TMEM163: variants seen among roughly 807,000 people sequenced by gnomAD.
The protein encoded by TMEM163 is transmembrane protein 163.
A neutral mutation model predicts 29.3 loss-of-function variants in TMEM163; 17 were observed. That is an observed-to-expected ratio of 0.58 (90% CI 0.40 to 0.87). The LOEUF (loss-of-function observed/expected upper bound fraction) is 0.87. Ranked by LOEUF, TMEM163 falls within the 40% of genes least tolerant of loss-of-function variation. TMEM163 has a pLI of 0.00. For missense variants in TMEM163, 303 were observed against 381.5 expected, an observed-to-expected ratio of 0.79 and a Z score of 1.71; for synonymous variants, 157 against 160.6, an observed-to-expected ratio of 0.98 and a Z score of 0.17.
rs79270232 is a variant in TMEM163 at position 134,697,522 on chromosome 2, T to A, written c.322+15678A>T. On this transcript the variant is annotated intron_variant, in intron 2 of 7. Coordinates refer to ENST00000281924, the MANE Select transcript of TMEM163 (RefSeq NM_030923.5). The stretch of plus-strand genomic sequence containing the variant: ...TCTTGTCACCCAGGCTGGAGTGCAG[T>A]GGTGCACTCTCAGCTGACTGCAACC... Among the ~76,000 whole-genome samples, 390 of 150,486 alleles carry A rather than the reference T, an allele frequency of 2.6e-3. 2 individuals carry two copies. The highest frequency in any genetic ancestry group is 0.014 in the South Asian group (65 of 4,702).
At chr2:134,596,846 T>G (rs1682096329) in intron 2 of TMEM163, among the ~76,000 whole-genome samples, 1 of 152,178 alleles carries the variant, frequency 6.6e-6, no homozygotes. Flanking sequence ...GTAAGTTGGA[T>G]TCCTAGGTAT....
At chr2:134,581,101 G>A (rs1171848256) in intron 2 of TMEM163, among the ~76,000 whole-genome samples, 2 of 152,196 alleles carry the variant, frequency 1.3e-5, no homozygotes, top group African/African-American at 4.8e-5. Context: ...ATCAGGGCAG[G>A]AGGGCACTGA....
intron 2 of TMEM163, among the ~76,000 whole-genome samples, chr2:134,596,787 G>A (rs1026066132): frequency 6.6e-5 from 10 of 151,824 alleles, no homozygotes; most frequent in Non-Finnish European, 7.4e-5. Context: ...CTTTTATTTC[G>A]TTGAGCAGTG....
chr2:134,638,284 T>C (rs1311223864), intron 2 of TMEM163, among the ~76,000 whole-genome samples: 1 of 152,224 alleles, frequency 6.6e-6, no homozygotes, highest in Non-Finnish European at 1.5e-5. Context: ...CTTTTGCCAT[T>C]ACAAAACATG....
At chr2:134,669,345 G>GA (rs770279434) in intron 2 of TMEM163, among the ~76,000 whole-genome samples, 10 of 152,162 alleles carry the variant, frequency 6.6e-5, no homozygotes, top group Non-Finnish European at 1.2e-4. Context: ...CAGAAAAGAA[G>GA]AATCAACAGT....
chr2:134,564,341 A>G (rs1380100916), intron 2 of TMEM163, among the ~76,000 whole-genome samples: 1 of 152,208 alleles, frequency 6.6e-6, no homozygotes, highest in Non-Finnish European at 1.5e-5. Flanking sequence ...ATATGAAATG[A>G]CTGAATTATG....
At chr2:134,585,074 A>G (rs1365422911) in intron 2 of TMEM163, among the ~76,000 whole-genome samples, 1 of 152,228 alleles carries the variant, frequency 6.6e-6, no homozygotes, top group Non-Finnish European at 1.5e-5. Flanking sequence ...TCATTCTCTT[A>G]TAACTATGTC....
intron 2 of TMEM163, among the ~76,000 whole-genome samples, chr2:134,686,214 C>G (rs1684347791): frequency 6.6e-6 from 1 of 152,216 alleles, no homozygotes; most frequent in Admixed American, 6.5e-5. Context: ...CCATAGCCAC[C>G]TGGACTGCAG....
At chr2:134,484,788 G>A (rs958350320) in intron 5 of TMEM163, among the ~76,000 whole-genome samples, 1 of 152,292 alleles carries the variant, frequency 6.6e-6, no homozygotes, top group East Asian at 1.9e-4. Context: ...TGGGGGAATG[G>A]TTAAAGGGTC....
intron 5 of TMEM163, among the ~76,000 whole-genome samples, chr2:134,492,674 C>T (rs1574174348): frequency 6.6e-6 from 1 of 152,320 alleles, no homozygotes; most frequent in East Asian, 1.9e-4. Context: ...CACATCACCG[C>T]ATGCGTCAGT....
intron 2 of TMEM163, among the ~76,000 whole-genome samples, chr2:134,596,975 C>T (rs1436130571): frequency 6.6e-6 from 1 of 152,198 alleles, no homozygotes; most frequent in Non-Finnish European, 1.5e-5. Context: ...TATCCTGAGA[C>T]TTTGCTGAAG....
At chr2:134,691,512 C>A (rs1342304068) in intron 2 of TMEM163, among the ~76,000 whole-genome samples, 2 of 152,212 alleles carry the variant, frequency 1.3e-5, no homozygotes, top group African/African-American at 4.8e-5. Context: ...TATTTCCAAA[C>A]AACTCTATTG....
At chr2:134,687,756 A>T (rs1000610330) in intron 2 of TMEM163, among the ~76,000 whole-genome samples, 3 of 152,170 alleles carry the variant, frequency 2.0e-5, no homozygotes, top group African/African-American at 7.2e-5. Flanking sequence ...AGTGTGGTAA[A>T]AGGCAGAACC....
chr2:134,700,248 C>A (rs1001034109), intron 2 of TMEM163, among the ~76,000 whole-genome samples: 1 of 152,162 alleles, frequency 6.6e-6, no homozygotes, highest in African/African-American at 2.4e-5. Flanking sequence ...GGTATGTACC[C>A]CATCCCTCCC....
At chr2:134,693,975 C>G (rs952996648) in intron 2 of TMEM163, among the ~76,000 whole-genome samples, 14 of 152,126 alleles carry the variant, frequency 9.2e-5, no homozygotes, top group South Asian at 2.1e-4. Context: ...AGTAGAGGCT[C>G]TGAGTCAAGT....
At chr2:134,480,133 C>G (rs937199417) in intron 5 of TMEM163, among the ~76,000 whole-genome samples, 1 of 152,176 alleles carries the variant, frequency 6.6e-6, no homozygotes, top group Non-Finnish European at 1.5e-5. Context: ...CAGCTCCTTG[C>G]AGAAAAGCCA....
At chr2:134,655,673 G>T (rs866494494) in intron 2 of TMEM163, among the ~76,000 whole-genome samples, 2,445 of 140,690 alleles carry the variant, frequency 0.017, 520 homozygotes, top group African/African-American at 0.069. Context: ...CCCCATCTTT[G>T]TGGTTTTATC....
At position 134,687,533 on chromosome 2, in the gene TMEM163, A is replaced by C. The variant is rs148860314; in HGVS notation, c.322+25667T>G. 2.6e-3 allele frequency among the ~76,000 whole-genome samples: 394 copies of C among 152,352 alleles called. 3 individuals carry two copies. The highest frequency in any genetic ancestry group is 4.2e-3 in the Non-Finnish European group (288 of 68,026). On this transcript the variant is annotated intron_variant, in intron 2 of 7. Coordinates refer to ENST00000281924, the MANE Select transcript of TMEM163 (RefSeq NM_030923.5). Reference sequence around the variant, plus strand: ...ATGTCATGAAAATGCTGAACATCAGAGGCCTCTCTAAAAGTGATGCAGTGT... The same window carrying C: ...ATGTCATGAAAATGCTGAACATCAGCGGCCTCTCTAAAAGTGATGCAGTGT...
At chr2:134,513,529 G>A (rs999044503) in intron 4 of TMEM163, among the ~76,000 whole-genome samples, 1 of 152,218 alleles carries the variant, frequency 6.6e-6, no homozygotes, top group Non-Finnish European at 1.5e-5. Context: ...AGCTTCACGT[G>A]CTAATAAGGT....
Sources: gnomAD v4.1 joint callset for allele counts (sites outside exome capture counted in the v4.1 genomes callset) on GRCh38, gnomAD v4.1.1 for gene constraint, MANE v1.5 for transcripts, NCBI Gene and HGNC (gene_info 2026-07-23, HGNC 2026-07-21) for gene names.